The following CCDC30 variants were observed in gnomAD, a reference collection of about 807,000 sequenced individuals.
The protein encoded by CCDC30 is coiled-coil domain containing 30, also known as coiled-coil domain-containing protein 30.
A neutral mutation model predicts 100.2 loss-of-function variants in CCDC30; 70 were observed. The observed-to-expected ratio is 0.70, with a 90% CI of 0.58 to 0.85. The LOEUF is 0.85. Among genes scored for constraint, CCDC30 ranks in the 40% least tolerant of loss-of-function variants. The pLI, the probability that CCDC30 is intolerant of heterozygous loss-of-function variation, is 0.00. For missense variants in CCDC30, 652 were observed against 771.2 expected (o/e 0.85, Z 1.83); for synonymous variants, 233 against 269.5 (o/e 0.86, Z 1.33).
intron 8 of CCDC30, among the ~76,000 whole-genome samples, chr1:42,577,979 A>G (rs2148586286): frequency 1.3e-5 from 2 of 152,302 alleles, no homozygotes; most frequent in Admixed American, 1.3e-4. Flanking sequence ...TAGTGATCAG[A>G]TCAGGGTAAT....
chr1:42,465,034 A>G (rs1643525761), intron 1 of CCDC30, among the ~76,000 whole-genome samples: 1 of 152,238 alleles, frequency 6.6e-6, no homozygotes, highest in Non-Finnish European at 1.5e-5. Context: ...GTTAGATGCT[A>G]TATTGTAAGG....
Position 42,643,417 on chromosome 1 carries a change from C to G in CCDC30, c.1556+808C>G, listed in dbSNP as rs111235958. On this transcript the variant is annotated intron_variant, in intron 13 of 16. Coordinates refer to ENST00000668663, the Ensembl canonical transcript of CCDC30. Reference sequence around the variant, plus strand: ...TAATGTTCTTGTCCACTGCTTTGGGCACACGTCTCTGGGCAGGCTTGGAGA... The same window carrying G: ...TAATGTTCTTGTCCACTGCTTTGGGGACACGTCTCTGGGCAGGCTTGGAGA... 6.4e-3 allele frequency among the ~76,000 whole-genome samples: 970 copies of G among 152,288 alleles called. 11 individuals are homozygous for G. Among genetic ancestry groups the G allele is most frequent in the African/African-American group, 0.022 (907 of 41,558 alleles).
rs951146784 is a variant in CCDC30, at chr1:42,473,107, A to G, written c.-91-7354A>G. The G allele has an allele frequency of 3.3e-6, 4 of 1,226,656 alleles. No homozygotes were observed. In the Admixed American group the frequency reaches 1.7e-4, roughly 52 times the overall value. 76.0% of individuals were successfully genotyped at this position (1,226,656 alleles called of 1,614,324 possible). A position where few individuals can be genotyped will look rare whatever the true frequency, so the allele number is the denominator to read the frequency against. ...TGTGTGTGTTCATATACATATGCTTATTTCTTCTATCAAGGGAAAAGTTCA... is the reference window on the plus strand; with the variant it reads ...TGTGTGTGTTCATATACATATGCTTGTTTCTTCTATCAAGGGAAAAGTTCA... On this transcript the variant is annotated intron_variant, in intron 1 of 16. Coordinates refer to ENST00000668663, the Ensembl canonical transcript of CCDC30.
Position 42,556,551 on chromosome 1 carries a change from A to G in CCDC30, c.457-9745A>G, listed in dbSNP as rs959669771. ...GTAGATGTGTGTATTTATGGAGTAC[A>G]TGAGATGTTTTAATACAGGTATACA... On this transcript the variant is annotated intron_variant, in intron 6 of 16. Transcript: ENST00000668663. 1.5e-5 allele frequency: 13 copies of G among 877,064 alleles called. No homozygotes were observed. The Admixed American group carries it at 2.1e-4, about 14-fold the overall frequency. The allele number at this position is 877,064 out of a possible 1,614,324, so 54.3% of individuals were successfully genotyped here.
chr1:42,602,569 G>A (rs901216920), intron 10 of CCDC30, among the ~76,000 whole-genome samples: 5 of 152,174 alleles, frequency 3.3e-5, no homozygotes, highest in African/African-American at 1.2e-4. Flanking sequence ...CCAATTCCTT[G>A]ATATAGTCTG....
chr1:42,600,120 A>G (rs986323782), intron 10 of CCDC30, among the ~76,000 whole-genome samples: 1 of 152,202 alleles, frequency 6.6e-6, no homozygotes, highest in Admixed American at 6.5e-5. Flanking sequence ...CCCACCTTCA[A>G]CACTCGGGAT....
chr1:42,573,430 A>G (rs530544889), intron 7 of CCDC30, among the ~76,000 whole-genome samples: 1 of 152,308 alleles, frequency 6.6e-6, no homozygotes, highest in Middle Eastern at 3.4e-3. Context: ...CCCAATATAT[A>G]GAAAATATAT....
rs567510863 is a variant in CCDC30, at chr1:42,556,024, G to C, written c.457-10272G>C. 29 of 874,214 alleles carry C rather than the reference G, an allele frequency of 3.3e-5. No homozygotes were observed. In the African/African-American group the frequency reaches 3.9e-4, roughly 12 times the overall value. 54.2% of individuals were successfully genotyped at this position (874,214 alleles called of 1,614,324 possible). A position where few individuals can be genotyped will look rare whatever the true frequency, so the allele number is the denominator to read the frequency against. On this transcript the variant is annotated intron_variant, in intron 6 of 16. Transcript: ENST00000668663. ...TTTTAAAGTTTATTTTTAAGAATAA[G>C]ATGACTGTTGTGCTATAGAATTCAG... is the stretch of plus-strand genomic sequence containing the variant.
At chr1:42,595,271 G>T (rs1202090985) in intron 10 of CCDC30, 1 of 152,204 alleles carries the variant, frequency 6.6e-6, no homozygotes, top group Non-Finnish European at 1.5e-5. Flanking sequence ...TCCAGGCCAG[G>T]CGTGGTGGCT....
chr1:42,460,936 A>G (rs1181534709), upstream of CCDC30, among the ~76,000 whole-genome samples: 1 of 152,202 alleles, frequency 6.6e-6, no homozygotes, highest in Non-Finnish European at 1.5e-5. Context: ...TGCCCTGCTT[A>G]ATCTTTGAAT....
At position 42,629,891 on chromosome 1, in the gene CCDC30, G is replaced by A. The variant is rs192748242; in HGVS notation, c.1278-7346G>A. On this transcript the variant is annotated intron_variant, in intron 11 of 16. Coordinates refer to ENST00000668663, the Ensembl canonical transcript of CCDC30. The stretch of plus-strand genomic sequence containing the variant: ...AGCCTCCCAAAGTGCTGGGATTACG[G>A]GCGTGAGCCGCTGCATGGGCCCCTG... Among the ~76,000 whole-genome samples the A allele has an allele frequency of 1.8e-4, 27 of 151,896 alleles. No individual in the cohort carries two copies. In the East Asian group the frequency reaches 4.8e-3, roughly 27 times the overall value.
intron 6 of CCDC30, chr1:42,545,419 C>T: frequency 1.3e-6 from 2 of 1,568,752 alleles, no homozygotes; most frequent in Non-Finnish European, 1.7e-6. Context: ...GGTCTTGAAG[C>T]TTTCACAAGA....
intron 11 of CCDC30, among the ~76,000 whole-genome samples, chr1:42,626,878 A>G (rs1557468948): frequency 6.6e-6 from 1 of 152,130 alleles, no homozygotes; most frequent in Non-Finnish European, 1.5e-5. Flanking sequence ...TTTTATTCCC[A>G]GTTTCAGGTA....
At chr1:42,489,769 T>C (rs1370334059) in intron 3 of CCDC30, among the ~76,000 whole-genome samples, 1 of 152,240 alleles carries the variant, frequency 6.6e-6, no homozygotes. Context: ...GGCAAAATTC[T>C]AAATATGATT....
At chr1:42,543,652 A>G (rs1394710758) in intron 6 of CCDC30, among the ~76,000 whole-genome samples, 1 of 152,164 alleles carries the variant, frequency 6.6e-6, no homozygotes, top group Non-Finnish European at 1.5e-5. Flanking sequence ...GTTCTATGTC[A>G]GTGCCTTTGG....
chr1:42,514,777 C>T (rs1644529994), intron 6 of CCDC30, among the ~76,000 whole-genome samples: 1 of 152,166 alleles, frequency 6.6e-6, no homozygotes, highest in African/African-American at 2.4e-5. Context: ...CCTCACCCTC[C>T]CAAGTAGCTG....
intron 10 of CCDC30, among the ~76,000 whole-genome samples, chr1:42,598,526 T>C (rs1057412445): frequency 1.5e-4 from 23 of 152,004 alleles, no homozygotes; most frequent in Admixed American, 6.6e-5. Flanking sequence ...AATGGAATTA[T>C]ATAAAATGCT....
Position 42,567,087 on chromosome 1 carries a change from G to A in CCDC30, c.636+612G>A, listed in dbSNP as rs570109360. 3.9e-5 allele frequency among the ~76,000 whole-genome samples: 6 copies of A among 152,188 alleles called. No homozygotes were observed. The East Asian group carries it at 1.2e-3, about 29-fold the overall frequency. ...GACTTAGTTTCTATAAGCCTCTATTGAAGGTTCTAAAATTCAACATTCAAT... is the reference window on the plus strand; with the variant it reads ...GACTTAGTTTCTATAAGCCTCTATTAAAGGTTCTAAAATTCAACATTCAAT... On this transcript the variant is annotated intron_variant, in intron 7 of 16. Coordinates refer to ENST00000668663, the Ensembl canonical transcript of CCDC30.
chr1:42,587,346 A>G (rs1372003854), intron 9 of CCDC30, among the ~76,000 whole-genome samples: 1 of 152,184 alleles, frequency 6.6e-6, no homozygotes, highest in Non-Finnish European at 1.5e-5. Flanking sequence ...TTTACTGCCA[A>G]TAACTCAAGT....
Sources: gnomAD v4.1 joint callset for allele counts (sites outside exome capture counted in the v4.1 genomes callset) on GRCh38, gnomAD v4.1.1 for gene constraint, MANE v1.5 for transcripts, NCBI Gene and HGNC (gene_info 2026-07-23, HGNC 2026-07-21) for gene names.